Variants in EFCAB6 observed in about 807,000 individuals in gnomAD.
The protein encoded by EFCAB6 is EF-hand calcium binding domain 6, also known as EF-hand calcium-binding domain-containing protein 6.
EFCAB6 carries 156 observed loss-of-function variants against 169.8 expected under a neutral mutation model. That is an observed-to-expected ratio of 0.92 (90% CI 0.81 to 1.05). The LOEUF (loss-of-function observed/expected upper bound fraction) is 1.05. Ranked by LOEUF, EFCAB6 falls within the 50% of genes least tolerant of loss-of-function variation. EFCAB6 has a pLI of 0.00. For synonymous variants in EFCAB6, 698 were observed against 676.4 expected, an observed-to-expected ratio of 1.03 and a Z score of -0.50; for missense variants, 1,800 against 1,829.1, an observed-to-expected ratio of 0.98 and a Z score of 0.29.
In EFCAB6 at chr22:43,642,784, C is replaced by T. The variant is rs139750980; in HGVS notation, c.1984-7568G>A. ...ATGCAAACTGGGGTGACAATCAAGACGCCATGGTCATGTGCACAGGCCGCA... is the reference window on the plus strand; with the variant it reads ...ATGCAAACTGGGGTGACAATCAAGATGCCATGGTCATGTGCACAGGCCGCA... On this transcript the variant is annotated intron_variant, in intron 17 of 31. Coordinates refer to ENST00000262726, the MANE Select transcript of EFCAB6 (RefSeq NM_022785.4). Among the ~76,000 whole-genome samples the T allele has an allele frequency of 4.7e-3, 720 of 152,276 alleles. 2 individuals carry two copies. Among genetic ancestry groups the T allele is most frequent in the Middle Eastern group, 0.031 (9 of 294 alleles).
chr22:43,659,384 C>A (rs1449233590), intron 17 of EFCAB6, among the ~76,000 whole-genome samples: 1 of 152,108 alleles, frequency 6.6e-6, no homozygotes, highest in Admixed American at 6.5e-5. Flanking sequence ...TGGGCATGGG[C>A]GTGGTGGCTC....
chr22:43,652,712 C>T (rs575400585), intron 17 of EFCAB6, among the ~76,000 whole-genome samples: 1 of 151,832 alleles, frequency 6.6e-6, no homozygotes, highest in East Asian at 1.9e-4. Flanking sequence ...CAATAAAAAT[C>T]TACCTGGCAT....
chr22:43,716,806 T>C, intron 9 of EFCAB6, 42 bp downstream of exon 9: 1 of 1,575,518 alleles, frequency 6.3e-7, no homozygotes, highest in Non-Finnish European at 8.6e-7. Context: ...TACTTTGCTG[T>C]GTTTACTCTG....
chr22:43,770,840 TA>T, intron 4 of EFCAB6, among the ~76,000 whole-genome samples: 1 of 149,440 alleles, frequency 6.7e-6, no homozygotes. Flanking sequence ...AAGACAGAAT[TA>T]AAAGGAAGAG....
intron 2 of EFCAB6, 91 bp from the exon 3 acceptor site, chr22:43,782,416 C>T: frequency 8.9e-7 from 1 of 1,128,330 alleles, no homozygotes; most frequent in East Asian, 2.4e-5. Flanking sequence ...TCTGAAGGGA[C>T]AGCTGCAGAG....
At chr22:43,686,597 G>T (rs1364137935) in intron 11 of EFCAB6, among the ~76,000 whole-genome samples, 1 of 150,694 alleles carries the variant, frequency 6.6e-6, no homozygotes, top group Non-Finnish European at 1.5e-5. Flanking sequence ...CATAACGAAT[G>T]AACTCAGAGG....
At chr22:43,799,403 G>A (rs2062625954) in intron 2 of EFCAB6, among the ~76,000 whole-genome samples, 1 of 151,412 alleles carries the variant, frequency 6.6e-6, no homozygotes, top group Non-Finnish European at 1.5e-5. Context: ...AATTTCATAG[G>A]ATTATTCACC....
intron 8 of EFCAB6, among the ~76,000 whole-genome samples, chr22:43,725,227 CGCCTACCGGGTTCAAGCAATTCTCCT>C (rs965762139): frequency 6.6e-6 from 1 of 151,510 alleles, no homozygotes; most frequent in Non-Finnish European, 1.5e-5. Flanking sequence ...TGTAACCCCC[CGCCTACCGGGTTCAAGCAATTCTCCT>C]GCCTCAGCCT....
chr22:43,721,964 T>C (rs1365816080), intron 8 of EFCAB6, among the ~76,000 whole-genome samples: 2 of 151,992 alleles, frequency 1.3e-5, no homozygotes, highest in East Asian at 1.9e-4. Flanking sequence ...ACCTACAGAA[T>C]GGGAGAAAAT....
In EFCAB6 at chr22:43,600,120, T is replaced by C. The variant is rs749796465; in HGVS notation, c.2825A>G (p.Gln942Arg). 2.5e-6 allele frequency: 4 copies of C among 1,614,060 alleles called. No homozygotes were observed. The highest frequency in any genetic ancestry group is 2.5e-6 in the Non-Finnish European group (3 of 1,180,036). ...CTGCTGCAGCTCCTTCATCTCTTCC[T>C]GTAGCTGCTGTGGCTTTGTAAAATG... ...MGHFTKPQQL[Q>R]EEMKELQQST... The change falls in exon 23 of 32, where the codon CAG becomes CGG. Residue 942 changes from glutamine to arginine, a missense_variant. Gln to Arg is a conservative substitution (Grantham distance 43). Coordinates refer to ENST00000262726, the MANE Select transcript of EFCAB6 (RefSeq NM_022785.4).
At chr22:43,700,587 C>G (rs1268341664) in intron 10 of EFCAB6, among the ~76,000 whole-genome samples, 2 of 152,214 alleles carry the variant, frequency 1.3e-5, no homozygotes, top group Non-Finnish European at 2.9e-5. Context: ...GACAGAATGA[C>G]AGAACGGTCC....
At chr22:43,565,770 G>T (rs1475842429) in intron 26 of EFCAB6, among the ~76,000 whole-genome samples, 1 of 150,378 alleles carries the variant, frequency 6.6e-6, no homozygotes, top group African/African-American at 2.4e-5. Flanking sequence ...AAAAAAAAAA[G>T]TCCTGAAACT....
intron 2 of EFCAB6, among the ~76,000 whole-genome samples, chr22:43,788,023 G>C (rs770347377): frequency 2.0e-5 from 3 of 152,070 alleles, no homozygotes; most frequent in Non-Finnish European, 4.4e-5. Context: ...TCTTTTCAAC[G>C]AACAGCGCCA....
At chr22:43,636,119 G>T (rs1056424145) in intron 17 of EFCAB6, among the ~76,000 whole-genome samples, 1 of 152,222 alleles carries the variant, frequency 6.6e-6, no homozygotes, top group Non-Finnish European at 1.5e-5. Context: ...GGCCAAAGAC[G>T]TCCAGGATGA....
chr22:43,610,371 G>A (rs979363369), intron 21 of EFCAB6, among the ~76,000 whole-genome samples: 23 of 152,130 alleles, frequency 1.5e-4, no homozygotes, highest in African/African-American at 2.4e-4. Context: ...TTAAAGTCTC[G>A]AGCAAGCACT....
intron 21 of EFCAB6, among the ~76,000 whole-genome samples, chr22:43,615,178 G>A (rs1350055906): frequency 6.6e-6 from 1 of 152,220 alleles, no homozygotes; most frequent in Non-Finnish European, 1.5e-5. Flanking sequence ...ATACTTATTA[G>A]AGGGAAGCTA....
Position 43,626,594 on chromosome 22 carries a change from A to G in EFCAB6, c.2318T>C (p.Leu773Pro). The change falls in exon 20 of 32, where the codon CTA (leucine) becomes CCA (proline). Residue 773 changes from leucine (L) to proline (P), a missense_variant. By Grantham distance (98) the Leu-to-Pro change is moderately conservative (BLOSUM62 -3). Coordinates refer to ENST00000262726, the MANE Select transcript of EFCAB6 (RefSeq NM_022785.4). ...MHDLHRLLLHLLLNLKDDEFE... is the reference protein window; with the variant it reads ...MHDLHRLLLHPLLNLKDDEFE... ...CTCGTCGTCTTTGAGATTAAGCAGTAGATGCAGGAGCAGTCTGTGAAGGTC... is the reference window on the plus strand; with the variant it reads ...CTCGTCGTCTTTGAGATTAAGCAGTGGATGCAGGAGCAGTCTGTGAAGGTC... The G allele has an allele frequency of 6.2e-7, 1 of 1,614,226 alleles. No homozygotes were observed. Among genetic ancestry groups the G allele is most frequent in the Non-Finnish European group, 8.5e-7 (1 of 1,180,040 alleles).
intron 25 of EFCAB6, among the ~76,000 whole-genome samples, chr22:43,579,585 C>CGCAGGCATCATTCCCTGCAT (rs2050562670): frequency 7.3e-6 from 1 of 137,658 alleles, no homozygotes; most frequent in Non-Finnish European, 1.6e-5. Flanking sequence ...ATTCCCTACA[C>CGCAGGCATCATTCCCTGCAT]GCAGGCATCA....
intron 17 of EFCAB6, among the ~76,000 whole-genome samples, chr22:43,636,326 G>A (rs770971410): frequency 3.9e-5 from 6 of 152,280 alleles, no homozygotes; most frequent in East Asian, 3.9e-4. Flanking sequence ...CGGAAGAGGC[G>A]GCTGGGGAGG....
Sources: gnomAD v4.1 joint callset for allele counts (sites outside exome capture counted in the v4.1 genomes callset) on GRCh38, gnomAD v4.1.1 for gene constraint, MANE v1.5 for transcripts, NCBI Gene and HGNC (gene_info 2026-07-23, HGNC 2026-07-21) for gene names.